The following DEFB135 variants were observed in gnomAD, a reference collection of about 807,000 sequenced individuals.
The protein encoded by DEFB135 is defensin beta 135.
A neutral mutation model predicts 8.9 loss-of-function variants in DEFB135; 14 were observed. The ratio of observed to expected loss-of-function variants is 1.58; its 90% CI spans 1.04 to 2.47. The LOEUF (loss-of-function observed/expected upper bound fraction) is 2.47, where lower values mean the gene tolerates loss of function less well. Among genes scored for constraint, DEFB135 ranks in the 30% most tolerant of loss-of-function variants. The pLI is 0.00. For synonymous variants in DEFB135, 51 were observed against 34.5 expected (o/e 1.48, Z -1.67); for missense variants, 135 against 94.2 (o/e 1.43, Z -1.79).
Position 11,984,476 on chromosome 8 carries a change from G to C in DEFB135, c.120G>C (p.Leu40=). The change falls in exon 2 of 2, where the codon CTG becomes CTC. Residue 40 remains leucine, a synonymous_variant. Transcript: ENST00000382208. Reference sequence around the variant, plus strand: ...AAATCTTTGCTTCATGTTGGCGACTGCAAGGTACTTGCCGGCCAAAATGTC... The same window carrying C: ...AAATCTTTGCTTCATGTTGGCGACTCCAAGGTACTTGCCGGCCAAAATGTC... ...IQKIFASCWR[L]QGTCRPKCLK... 6.3e-7 allele frequency: 1 copy of C among 1,579,162 alleles called. No homozygotes were observed. Among genetic ancestry groups the C allele is most frequent in the Non-Finnish European group, 8.7e-7 (1 of 1,154,556 alleles).
In DEFB135 at chr8:11,983,411, AT is replaced by A. The variant is rs559023615; in HGVS notation, c.65-1009del. 4.6e-5 allele frequency among the ~76,000 whole-genome samples: 7 copies of A among 152,304 alleles called. No individual in the cohort carries two copies. The South Asian group carries it at 1.5e-3, about 32-fold the overall frequency. On this transcript the variant is annotated intron_variant, in intron 1 of 1. Coordinates refer to ENST00000382208, the MANE Select transcript of DEFB135 (RefSeq NM_001033017.3). Reference sequence around the variant, plus strand: ...ATCTCAAAAATAAAAATTAAAAAAAATAAATAAAACGAAGACAGATACGAAT... The same window carrying A: ...ATCTCAAAAATAAAAATTAAAAAAAAAAATAAAACGAAGACAGATACGAAT...
Position 11,984,491 on chromosome 8 carries a change from G to A in DEFB135, c.135G>A (p.Arg45=). ...ASCWRLQGTC[R]PKCLKNEQYR... Reference sequence around the variant, plus strand: ...GTTGGCGACTGCAAGGTACTTGCCGGCCAAAATGTCTAAAAAACGAACAAT... The same window carrying A: ...GTTGGCGACTGCAAGGTACTTGCCGACCAAAATGTCTAAAAAACGAACAAT... The change falls in exon 2 of 2, where the codon CGG becomes CGA. Residue 45 remains arginine (R), a synonymous_variant. Transcript: ENST00000382208. 2 of 1,582,410 alleles carry A rather than the reference G, an allele frequency of 1.3e-6. No homozygotes were observed. Among genetic ancestry groups the A allele is most frequent in the South Asian group, 1.1e-5 (1 of 88,076 alleles).
Position 11,982,304 on chromosome 8 carries a change from C to A in DEFB135, c.-17C>A, listed in dbSNP as rs1377838910. On this transcript the variant is annotated 5_prime_UTR_variant, in exon 1 of 2. The change creates a premature stop within an existing upstream ORF in the 5' untranslated region. Coordinates refer to ENST00000382208, the MANE Select transcript of DEFB135 (RefSeq NM_001033017.3). ...GTGACTCTCCGATGAGTCACAGCTG[C>A]TTCTTTGCTGATTGGTATGGCCACA... 6.2e-7 allele frequency: 1 copy of A among 1,614,094 alleles called. No homozygotes were observed.
intron 1 of DEFB135, among the ~76,000 whole-genome samples, chr8:11,983,879 C>T (rs1799793619): frequency 6.6e-6 from 1 of 151,944 alleles, no homozygotes; most frequent in Non-Finnish European, 1.5e-5. Flanking sequence ...TGCAAAGTAC[C>T]CATGGGAGAA....
rs748109174 is a variant in DEFB135 at position 11,984,540 on chromosome 8, C to T, written c.184C>T (p.His62Tyr). The change falls in exon 2 of 2, where the codon CAT becomes TAT. Residue 62 changes from histidine (H) to tyrosine (Y), a missense_variant. His to Tyr is a moderately conservative substitution (Grantham distance 83, BLOSUM62 2). Coordinates refer to ENST00000382208, the MANE Select transcript of DEFB135 (RefSeq NM_001033017.3). ...EQYRILCDTI[H>Y]LCCVNPKYLP... ...ATATCGTATTTTGTGTGATACTATA[C>T]ATTTGTGCTGTGTAAACCCAAAATA... 8.9e-6 allele frequency: 14 copies of T among 1,566,290 alleles called. No individual in the cohort carries two copies. The highest frequency in any genetic ancestry group is 4.0e-5 in the African/African-American group (3 of 74,132).
At chr8:11,984,249 A>T (rs1212802550) in intron 1 of DEFB135, among the ~76,000 whole-genome samples, 172 bp from the exon 2 acceptor site, 1 of 152,200 alleles carries the variant, frequency 6.6e-6, no homozygotes, top group Non-Finnish European at 1.5e-5. Flanking sequence ...CCTGGAAAAC[A>T]AGGTAAGAGC....
chr8:11,983,785 T>G (rs1172925636), intron 1 of DEFB135, among the ~76,000 whole-genome samples: 3 of 152,084 alleles, frequency 2.0e-5, no homozygotes, highest in African/African-American at 7.2e-5. Flanking sequence ...CTCCCAGTTC[T>G]TAAGGTGTAG....
chr8:11,983,751 C>T (rs945341542), intron 1 of DEFB135, among the ~76,000 whole-genome samples: 3 of 152,146 alleles, frequency 2.0e-5, no homozygotes, highest in Non-Finnish European at 4.4e-5. Context: ...TATTACCCCT[C>T]CTCCACCCTC....
intron 1 of DEFB135, among the ~76,000 whole-genome samples, chr8:11,984,136 C>A (rs116522982): frequency 0.022 from 3,276 of 152,142 alleles, 144 homozygotes; most frequent in African/African-American, 0.073. Context: ...TTTCTGAAGC[C>A]AATAGTCTCA....
chr8:11,984,443 C>T lies in DEFB135; in HGVS notation c.87C>T (p.Tyr29=). The T allele has an allele frequency of 2.6e-6, 4 of 1,565,732 alleles. No homozygotes were observed. Among genetic ancestry groups the T allele is most frequent in the Non-Finnish European group, 2.6e-6 (3 of 1,145,488 alleles). The change falls in exon 2 of 2, where the codon TAC becomes TAT. Residue 29 remains tyrosine (Y), a synonymous_variant. Transcript: ENST00000382208. ...VPPGRSGPNV[Y]IQKIFASCWR... is the part of the protein sequence containing the mutation. ...CAGGTAGAAGTGGACCCAATGTCTA[C>T]ATACAAAAAATCTTTGCTTCATGTT...
At position 11,982,296 on chromosome 8, in the gene DEFB135, C is replaced by A; in HGVS notation, c.-25C>A. On this transcript the variant is annotated 5_prime_UTR_variant, in exon 1 of 2. Transcript: ENST00000382208. ...CGGAGAGAGTGACTCTCCGATGAGT[C>A]ACAGCTGCTTCTTTGCTGATTGGTA... is the stretch of plus-strand genomic sequence containing the variant. The A allele has an allele frequency of 6.2e-7, 1 of 1,613,952 alleles. No individual in the cohort carries two copies. The highest frequency in any genetic ancestry group is 1.1e-5 in the South Asian group (1 of 91,070).
In DEFB135 at chr8:11,984,478, A is replaced by G. The variant is rs1360852942; in HGVS notation, c.122A>G (p.Gln41Arg). 6.3e-7 allele frequency: 1 copy of G among 1,580,330 alleles called. No individual in the cohort carries two copies. Among genetic ancestry groups the G allele is most frequent in the African/African-American group, 1.3e-5 (1 of 74,384 alleles). ...QKIFASCWRL[Q>R]GTCRPKCLKN... ...ATCTTTGCTTCATGTTGGCGACTGC[A>G]AGGTACTTGCCGGCCAAAATGTCTA... The change falls in exon 2 of 2, where the codon CAA becomes CGA. Residue 41 changes from glutamine (Q) to arginine (R), a missense_variant. Coordinates refer to ENST00000382208, the MANE Select transcript of DEFB135 (RefSeq NM_001033017.3).
At chr8:11,982,535 G>C in intron 1 of DEFB135, 151 bp downstream of exon 1, 1 of 771,530 alleles carries the variant, frequency 1.3e-6, no homozygotes. Flanking sequence ...GGCTGGTCCA[G>C]AGAATGGAGA....
At chr8:11,983,390 CA>C (rs932393715) in intron 1 of DEFB135, among the ~76,000 whole-genome samples, 3 of 151,950 alleles carry the variant, frequency 2.0e-5, no homozygotes, top group African/African-American at 7.3e-5. Context: ...AACTTCATCT[CA>C]AAAATAAAAA....
intron 1 of DEFB135, 111 bp downstream of exon 1, chr8:11,982,495 G>T: frequency 8.4e-7 from 1 of 1,197,484 alleles, no homozygotes; most frequent in Non-Finnish European, 1.2e-6. Context: ...GCTGCAACAG[G>T]GAGGAAAGTG....
At chr8:11,983,615 AC>A (rs1799785596) in intron 1 of DEFB135, among the ~76,000 whole-genome samples, 1 of 152,052 alleles carries the variant, frequency 6.6e-6, no homozygotes, top group African/African-American at 2.4e-5. Flanking sequence ...TTTTCACACC[AC>A]AAAGGTTCAA....
At position 11,982,284 on chromosome 8, in the gene DEFB135, T is replaced by C; in HGVS notation, c.-37T>C. 1 of 1,613,178 alleles carries C rather than the reference T, an allele frequency of 6.2e-7. No homozygotes were observed. The highest frequency in any genetic ancestry group is 8.5e-7 in the Non-Finnish European group (1 of 1,179,616). ...TCTTCAAAGCTGCGGAGAGAGTGAC[T>C]CTCCGATGAGTCACAGCTGCTTCTT... is the stretch of plus-strand genomic sequence containing the variant. On this transcript the variant is annotated 5_prime_UTR_variant, in exon 1 of 2. Transcript: ENST00000382208.
At chr8:11,983,737 T>C (rs1420776630) in intron 1 of DEFB135, among the ~76,000 whole-genome samples, 1 of 152,188 alleles carries the variant, frequency 6.6e-6, no homozygotes, top group African/African-American at 2.4e-5. Context: ...TTAAACTGCC[T>C]TCCTATTACC....
At chr8:11,984,111 G>A (rs1010739147) in intron 1 of DEFB135, among the ~76,000 whole-genome samples, 3 of 152,186 alleles carry the variant, frequency 2.0e-5, no homozygotes, top group South Asian at 2.1e-4. Flanking sequence ...GGATGACTTC[G>A]ATGTCTGAAT....
Sources: allele counts gnomAD v4.1 joint callset (sites outside exome capture counted in the v4.1 genomes callset), GRCh38; gene constraint gnomAD v4.1.1; transcripts MANE v1.5; gene names NCBI Gene and HGNC (gene_info 2026-07-23, HGNC 2026-07-21).